Variants in FER observed in about 807,000 individuals in gnomAD.
The protein encoded by FER is tyrosine-protein kinase Fer.
Under a neutral mutation model 111.0 loss-of-function variants are expected in FER, and 63 were observed. The observed-to-expected ratio is 0.57, with a 90% confidence interval of 0.46 to 0.70. The LOEUF is 0.70. FER is among the 30% of genes least tolerant of loss of function. FER has a pLI of 0.00. For synonymous variants in FER, 327 were observed against 313.9 expected (o/e 1.04, Z -0.44); for missense variants, 914 against 954.0 (o/e 0.96, Z 0.55).
At chr5:108,898,928 A>G (rs2150331501) in intron 10 of FER, among the ~76,000 whole-genome samples, 1 of 152,128 alleles carries the variant, frequency 6.6e-6, no homozygotes, top group African/African-American at 2.4e-5. Flanking sequence ...AAATGTCAAA[A>G]GTGCCAAGGT....
At chr5:109,020,268 A>G (rs1322576198) in intron 13 of FER, among the ~76,000 whole-genome samples, 1 of 152,066 alleles carries the variant, frequency 6.6e-6, no homozygotes, top group East Asian at 1.9e-4. Flanking sequence ...TTTTTAGAAT[A>G]AGCTTACTTT....
intron 11 of FER, among the ~76,000 whole-genome samples, chr5:108,949,831 A>G (rs1271353704): frequency 6.6e-6 from 1 of 151,328 alleles, no homozygotes; most frequent in Non-Finnish European, 1.5e-5. Context: ...TGTAAAATAT[A>G]TGGGTTTAAG....
At position 108,796,009 on chromosome 5, in the gene FER, A is replaced by G. The variant is rs185052090; in HGVS notation, c.-59-2115A>G. ...GTCTTCACTTCTGTGCTTTGTTTGT[A>G]CCTGTCATCCTTGGGAAGGCTTTCC... is the stretch of plus-strand genomic sequence containing the variant. On this transcript the variant is annotated intron_variant, in intron 2 of 19. Transcript: ENST00000281092. Among the ~76,000 whole-genome samples the G allele has an allele frequency of 2.6e-3, 394 of 152,174 alleles. 5 individuals are homozygous for G. The highest frequency in any genetic ancestry group is 9.0e-3 in the African/African-American group (372 of 41,510).
At chr5:108,790,346 T>A (rs1175697001) in intron 2 of FER, among the ~76,000 whole-genome samples, 1 of 152,088 alleles carries the variant, frequency 6.6e-6, no homozygotes, top group Non-Finnish European at 1.5e-5. Context: ...TGTCTTCAAA[T>A]AAGATTATTG....
At chr5:109,010,866 T>C (rs1395617894) in intron 13 of FER, among the ~76,000 whole-genome samples, 1 of 152,170 alleles carries the variant, frequency 6.6e-6, no homozygotes, top group African/African-American at 2.4e-5. Flanking sequence ...TGTTTTTGAG[T>C]TTTGAATATT....
intron 13 of FER, among the ~76,000 whole-genome samples, chr5:108,976,531 A>G (rs1019783615): frequency 1.3e-5 from 2 of 152,068 alleles, no homozygotes; most frequent in Non-Finnish European, 2.9e-5. Context: ...TCTGGGGGTG[A>G]CGGGTGCTGA....
At chr5:109,045,907 T>C (rs1771904100) in intron 15 of FER, among the ~76,000 whole-genome samples, 1 of 152,242 alleles carries the variant, frequency 6.6e-6, no homozygotes. Flanking sequence ...CAGTCAGCCC[T>C]ATTTGTTCTA....
chr5:108,926,889 A>G (rs75032219), intron 10 of FER, among the ~76,000 whole-genome samples: 7,095 of 152,148 alleles, frequency 0.047, 266 homozygotes, highest in South Asian at 0.11. Context: ...TTACCACCAT[A>G]AAGTACATAC....
chr5:108,749,453 C>T (rs1561359778), intron 1 of FER, among the ~76,000 whole-genome samples: 1 of 152,028 alleles, frequency 6.6e-6, no homozygotes, highest in South Asian at 2.1e-4. Flanking sequence ...TGCCTGTACC[C>T]TCACCCCTTT....
chr5:108,841,483 G>C (rs1761260569), intron 5 of FER, among the ~76,000 whole-genome samples: 1 of 152,102 alleles, frequency 6.6e-6, no homozygotes, highest in Non-Finnish European at 1.5e-5. Flanking sequence ...ATAATACTCT[G>C]AGATTTATCT....
At chr5:109,111,118 T>G (rs1561907899) in intron 17 of FER, among the ~76,000 whole-genome samples, 1 of 152,178 alleles carries the variant, frequency 6.6e-6, no homozygotes, top group Non-Finnish European at 1.5e-5. Flanking sequence ...GTTAATAGTA[T>G]CCTAGTTCAT....
rs1032205189 is a variant in FER at position 109,040,219 on chromosome 5, A to G, written c.1713+2741A>G. Among the ~76,000 whole-genome samples, 5 of 152,102 alleles carry G rather than the reference A, an allele frequency of 3.3e-5. No homozygotes were observed. In the South Asian group the frequency reaches 6.2e-4, roughly 19 times the overall value. On this transcript the variant is annotated intron_variant, in intron 14 of 19. Coordinates refer to ENST00000281092, the MANE Select transcript of FER (RefSeq NM_005246.4). The stretch of plus-strand genomic sequence containing the variant: ...AGTTGGAGAAAAGAGGTCTGAGTCA[A>G]AAGTACAAATCTGGTAGTTGTTAGT...
chr5:108,982,120 C>T (rs1337298496), intron 13 of FER, among the ~76,000 whole-genome samples: 3 of 152,030 alleles, frequency 2.0e-5, no homozygotes, highest in Non-Finnish European at 4.4e-5. Flanking sequence ...TTTTCTGACT[C>T]CACCCCACAC....
At chr5:109,165,784 T>C (rs1286660113) in intron 17 of FER, among the ~76,000 whole-genome samples, 1 of 152,182 alleles carries the variant, frequency 6.6e-6, no homozygotes, top group Non-Finnish European at 1.5e-5. Context: ...CATTCTATGG[T>C]GGCGTTTTAG....
intron 13 of FER, among the ~76,000 whole-genome samples, chr5:109,008,251 AT>A (rs1403167623): frequency 6.6e-6 from 1 of 152,230 alleles, no homozygotes; most frequent in African/African-American, 2.4e-5. Flanking sequence ...AATGGTAATT[AT>A]TCTTCCTGAC....
chr5:108,755,730 C>T (rs951152809), intron 1 of FER, among the ~76,000 whole-genome samples: 1 of 151,782 alleles, frequency 6.6e-6, no homozygotes, highest in Non-Finnish European at 1.5e-5. Flanking sequence ...AGGTGATCCA[C>T]CCGCCTTGGC....
chr5:108,991,086 A>C (rs1391456785), intron 13 of FER, among the ~76,000 whole-genome samples: 1 of 151,562 alleles, frequency 6.6e-6, no homozygotes, highest in African/African-American at 2.4e-5. Flanking sequence ...TATCTTAAAC[A>C]GGGGTACTTT....
At chr5:109,009,921 A>C (rs1296966945) in intron 13 of FER, among the ~76,000 whole-genome samples, 1 of 152,210 alleles carries the variant, frequency 6.6e-6, no homozygotes, top group Non-Finnish European at 1.5e-5. Flanking sequence ...GGAAACATCA[A>C]GGCCTCTTCA....
intron 17 of FER, among the ~76,000 whole-genome samples, chr5:109,164,597 A>T (rs533624049): frequency 6.6e-6 from 1 of 152,250 alleles, no homozygotes; most frequent in African/African-American, 2.4e-5. Context: ...TGTTTTCACT[A>T]TATTTGCTGC....
Sources: allele counts gnomAD v4.1 joint callset (sites outside exome capture counted in the v4.1 genomes callset), GRCh38; gene constraint gnomAD v4.1.1; transcripts MANE v1.5; gene names NCBI Gene and HGNC (gene_info 2026-07-23, HGNC 2026-07-21).